TMCC1: variants seen among roughly 807,000 people sequenced by gnomAD.
The protein encoded by TMCC1 is transmembrane and coiled-coil domains protein 1.
TMCC1 carries 15 observed loss-of-function variants against 52.4 expected under a neutral mutation model. The ratio of observed to expected loss-of-function variants is 0.29; its 90% CI spans 0.19 to 0.44. The LOEUF (loss-of-function observed/expected upper bound fraction) is 0.44, where lower values mean the gene tolerates loss of function less well. Ranked by LOEUF, TMCC1 falls within the 20% of genes least tolerant of loss-of-function variation. The pLI, the probability that TMCC1 is intolerant of heterozygous loss-of-function variation, is 1.00. For synonymous variants in TMCC1, 279 were observed against 301.9 expected (o/e 0.92, Z 0.79); for missense variants, 503 against 806.0 (o/e 0.62, Z 4.55).
rs1039183782 is a variant in TMCC1, at chr3:129,885,800, T to C, written c.-434-5241A>G. Among the ~76,000 whole-genome samples, 19 of 151,730 alleles carry C rather than the reference T, an allele frequency of 1.3e-4. 1 individual carries two copies. The highest frequency in any genetic ancestry group is 2.1e-4 in the South Asian group (1 of 4,776). On this transcript the variant is annotated intron_variant, in intron 1 of 6. Transcript: ENST00000393238. ...ACTCTGTCACCAGGTTGGAGTGCAG[T>C]GGCGCAATCTCGGCTCACTGCAACC...
At chr3:129,792,843 G>A (rs1431901769) in intron 4 of TMCC1, among the ~76,000 whole-genome samples, 1 of 152,140 alleles carries the variant, frequency 6.6e-6, no homozygotes, top group Non-Finnish European at 1.5e-5. Flanking sequence ...TACCTAAAGA[G>A]AGGATGCATC....
chr3:129,677,333 A>G (rs373965922), intron 4 of TMCC1, among the ~76,000 whole-genome samples: 158 of 152,354 alleles, frequency 1.0e-3, no homozygotes, highest in African/African-American at 3.4e-3. Flanking sequence ...TATTATATAC[A>G]ATTAGTCTGA....
At chr3:129,674,901 C>T (rs942819263) in intron 4 of TMCC1, among the ~76,000 whole-genome samples, 5 of 152,044 alleles carry the variant, frequency 3.3e-5, no homozygotes, top group African/African-American at 7.2e-5. Context: ...AGTGCAAAGG[C>T]GCGACGTCAG....
chr3:129,885,976 C>T (rs1189284905), intron 1 of TMCC1, among the ~76,000 whole-genome samples: 1 of 151,976 alleles, frequency 6.6e-6, no homozygotes, highest in East Asian at 1.9e-4. Flanking sequence ...CTCTTGACCT[C>T]ATGATCCACC....
intron 4 of TMCC1, among the ~76,000 whole-genome samples, chr3:129,749,539 G>A (rs1005999207): frequency 2.6e-5 from 4 of 152,042 alleles, no homozygotes; most frequent in African/African-American, 9.7e-5. Context: ...TTTCAGAGAA[G>A]TAAAAACAAA....
intron 4 of TMCC1, among the ~76,000 whole-genome samples, chr3:129,722,316 A>C (rs1440175430): frequency 6.6e-6 from 1 of 152,134 alleles, no homozygotes. Flanking sequence ...TCTAGGTTGC[A>C]TGCTCCTTAT....
intron 2 of TMCC1, among the ~76,000 whole-genome samples, chr3:129,840,049 C>G (rs149955853): frequency 5.1e-4 from 77 of 150,420 alleles, no homozygotes; most frequent in Non-Finnish European, 4.1e-4. Flanking sequence ...AAGACCAGGC[C>G]GGGTGTAATG....
rs749237289 is a variant in TMCC1, at chr3:129,675,596, AC to A, written c.577-4333del. ...ATATATTCCCGTCCAAGATCTTTCC[AC>A]ATTTCAGGCATGAACAAGAGATACG... On this transcript the variant is annotated intron_variant, in intron 4 of 6. Coordinates refer to ENST00000393238, the MANE Select transcript of TMCC1 (RefSeq NM_001017395.5). Among the ~76,000 whole-genome samples, 7 of 152,340 alleles carry A rather than the reference AC, an allele frequency of 4.6e-5. No homozygotes were observed. In the East Asian group the frequency reaches 1.3e-3, roughly 29 times the overall value.
chr3:129,703,449 T>C (rs966029701), intron 4 of TMCC1, among the ~76,000 whole-genome samples: 6 of 152,214 alleles, frequency 3.9e-5, no homozygotes, highest in African/African-American at 1.4e-4. Flanking sequence ...TATAAGTAAG[T>C]ACAGTAAGAT....
intron 2 of TMCC1, among the ~76,000 whole-genome samples, chr3:129,871,903 G>T (rs1306059257): frequency 6.6e-6 from 1 of 152,154 alleles, no homozygotes; most frequent in Non-Finnish European, 1.5e-5. Context: ...TCTACGAAGT[G>T]ATACCATTTT....
intron 4 of TMCC1, among the ~76,000 whole-genome samples, chr3:129,793,098 C>T (rs1291906124): frequency 6.6e-6 from 1 of 152,022 alleles, no homozygotes; most frequent in African/African-American, 2.4e-5. Flanking sequence ...AATACAAGCA[C>T]TGGAGGACAT....
chr3:129,886,380 A>G (rs147189776), intron 1 of TMCC1, among the ~76,000 whole-genome samples: 1 of 152,332 alleles, frequency 6.6e-6, no homozygotes, highest in African/African-American at 2.4e-5. Flanking sequence ...TATGATAATA[A>G]ACTTATCAAA....
rs1423771173 is a variant in TMCC1, at chr3:129,648,891, T to C, written c.*2590A>G. On this transcript the variant is annotated 3_prime_UTR_variant, in exon 7 of 7. Transcript: ENST00000393238. ...AACAGATGCATGGTTACAAACAGCA[T>C]TAAATGCGTACAACTTCTGGGTCTG... 1 of 152,172 alleles carries C rather than the reference T, an allele frequency of 6.6e-6. No individual in the cohort carries two copies. The highest frequency in any genetic ancestry group is 1.5e-5 in the Non-Finnish European group (1 of 68,042). 9.4% of individuals were successfully genotyped at this position (152,172 alleles called of 1,614,324 possible). A position where few individuals can be genotyped will look rare whatever the true frequency, so the allele number is the denominator to read the frequency against.
intron 2 of TMCC1, among the ~76,000 whole-genome samples, chr3:129,846,508 A>T (rs1240366833): frequency 6.6e-6 from 1 of 152,120 alleles, no homozygotes; most frequent in African/African-American, 2.4e-5. Flanking sequence ...TCTTAAAGTT[A>T]TTTCTTTCTT....
chr3:129,774,581 G>A (rs1029094206), intron 4 of TMCC1, among the ~76,000 whole-genome samples: 18 of 152,280 alleles, frequency 1.2e-4, no homozygotes, highest in African/African-American at 4.3e-4. Context: ...AGGGTACTAA[G>A]AGAATACAAA....
At chr3:129,878,198 A>G (rs2061312711) in intron 2 of TMCC1, among the ~76,000 whole-genome samples, 1 of 142,498 alleles carries the variant, frequency 7.0e-6, no homozygotes, top group African/African-American at 2.6e-5. Flanking sequence ...TCCTGACCTC[A>G]GGTGATCTGC....
chr3:129,726,758 A>C (rs2050118431), intron 4 of TMCC1, among the ~76,000 whole-genome samples: 2 of 150,572 alleles, frequency 1.3e-5, no homozygotes, highest in Non-Finnish European at 3.0e-5. Flanking sequence ...GCACACCTGT[A>C]ATCTCGGCTA....
At chr3:129,829,034 C>G (rs1370883366) in intron 3 of TMCC1, among the ~76,000 whole-genome samples, 2 of 152,180 alleles carry the variant, frequency 1.3e-5, no homozygotes, top group Non-Finnish European at 2.9e-5. Context: ...AGTGTGTTAC[C>G]ATTCATATTC....
intron 4 of TMCC1, among the ~76,000 whole-genome samples, chr3:129,780,489 A>T (rs1331218851): frequency 1.3e-5 from 2 of 152,062 alleles, no homozygotes; most frequent in Non-Finnish European, 2.9e-5. Flanking sequence ...CCTCTAAGTT[A>T]ATATCACCAT....
Sources: gnomAD v4.1 joint callset for allele counts (sites outside exome capture counted in the v4.1 genomes callset) on GRCh38, gnomAD v4.1.1 for gene constraint, MANE v1.5 for transcripts, NCBI Gene and HGNC (gene_info 2026-07-23, HGNC 2026-07-21) for gene names.